FAM149A: variants seen among roughly 807,000 people sequenced by gnomAD.
The protein encoded by FAM149A is family with sequence similarity 149 member A, also known as protein FAM149A.
FAM149A carries 71 observed loss-of-function variants against 78.2 expected under a neutral mutation model. The ratio of observed to expected loss-of-function variants is 0.91; its 90% confidence interval spans 0.75 to 1.11. The LOEUF is 1.11. Among genes scored for constraint, FAM149A ranks in the 50% least tolerant of loss-of-function variants. The pLI is 0.00. For synonymous variants in FAM149A, 446 were observed against 410.5 expected (o/e 1.09, Z -1.04); for missense variants, 1,036 against 971.0 (o/e 1.07, Z -0.89).
At chr4:186,158,202 T>TC (rs1431300482) in intron 8 of FAM149A, 51 of 1,280,528 alleles carry the variant, frequency 4.0e-5, no homozygotes, top group Non-Finnish European at 5.2e-5. Flanking sequence ...GCTGGCCGCT[T>TC]CTCTCCTGGA....
At chr4:186,143,148 ACTTT>A (rs1732656107) in intron 1 of FAM149A, among the ~76,000 whole-genome samples, 5 of 66,082 alleles carry the variant, frequency 7.6e-5, no homozygotes, top group Admixed American at 1.7e-4. Flanking sequence ...TTCGATTTTT[ACTTT>A]TTTTTTTTTT....
At chr4:186,145,194 T>C in intron 1 of FAM149A, 1 of 965,420 alleles carries the variant, frequency 1.0e-6, no homozygotes, top group Non-Finnish European at 1.2e-6. Flanking sequence ...GCGGGCCGGC[T>C]GCGTCTGGCC....
intron 8 of FAM149A, chr4:186,158,849 C>T: frequency 1.0e-6 from 1 of 983,262 alleles, no homozygotes; most frequent in African/African-American, 1.7e-5. Context: ...CGGTCTCAAG[C>T]TGTTCTTCCA....
In FAM149A at chr4:186,168,517, G is replaced by A. The variant is rs151061159; in HGVS notation, c.2218+1255G>A. 5.1e-3 allele frequency among the ~76,000 whole-genome samples: 771 copies of A among 152,248 alleles called. 5 individuals are homozygous for A. Among genetic ancestry groups the A allele is most frequent in the African/African-American group, 0.018 (751 of 41,536 alleles). On this transcript the variant is annotated intron_variant, in intron 13 of 13. Transcript: ENST00000389354. ...ATTACAGGCACATGCCACGATGCCT[G>A]GCTAATGTTTGTATTTTTAGTGGAG... is the stretch of plus-strand genomic sequence containing the variant.
At chr4:186,126,183 A>AATG in intron 1 of FAM149A, 2 of 793,286 alleles carry the variant, frequency 2.5e-6, no homozygotes, top group Non-Finnish European at 3.1e-6. Flanking sequence ...TACCTCGAGT[A>AATG]AGCCTCGCGC....
chr4:186,162,926 G>A lies in FAM149A; in HGVS notation c.1657G>A (p.Ala553Thr). The A allele has an allele frequency of 3.7e-6, 6 of 1,606,428 alleles. No individual in the cohort carries two copies. Among genetic ancestry groups the A allele is most frequent in the Non-Finnish European group, 5.1e-6 (6 of 1,175,714 alleles). Residue 553 changes from alanine to threonine, a missense_variant, in exon 9 of 14, where the codon GCC becomes ACC. By Grantham distance (58) the Ala-to-Thr change is moderately conservative (BLOSUM62 0). Around this residue, in one of 3 missense-constraint regions of FAM149A, gnomAD observed 716 missense variants for 711.8 expected, o/e 1.01. Transcript: ENST00000389354. ...AGCAAAACCGCTTCAGCGGAGACCT[G>A]CCTATTTTGCTGACAGAACGCAGTA...
intron 11 of FAM149A, 106 bp downstream of exon 11, chr4:186,165,570 G>A (rs1485969602): frequency 8.8e-7 from 1 of 1,132,626 alleles, no homozygotes; most frequent in African/African-American, 1.5e-5. Context: ...CATGAGATCT[G>A]AGTAGCTGTA....
At chr4:186,152,300 A>G (rs993263591) in intron 4 of FAM149A, among the ~76,000 whole-genome samples, 1 of 152,206 alleles carries the variant, frequency 6.6e-6, no homozygotes, top group African/African-American at 2.4e-5. Context: ...TGACACATAT[A>G]CGAATGCAAG....
At chr4:186,161,369 G>T (rs564030887) in intron 8 of FAM149A, among the ~76,000 whole-genome samples, 175 of 152,326 alleles carry the variant, frequency 1.1e-3, no homozygotes, top group Non-Finnish European at 2.2e-3. Context: ...AACAGAACCT[G>T]TGCTTCGGGG....
At chr4:186,147,936 C>A (rs4862646) in intron 1 of FAM149A, among the ~76,000 whole-genome samples, 130,959 of 152,192 alleles carry the variant, frequency 0.86, 56,419 homozygotes, top group Middle Eastern at 0.9. Flanking sequence ...AGAATAAAAA[C>A]AATCATATAA....
chr4:186,163,544 G>A lies in FAM149A; in HGVS notation c.1800G>A (p.Val600=). 1.2e-6 allele frequency: 2 copies of A among 1,614,136 alleles called. No individual in the cohort carries two copies. Among genetic ancestry groups the A allele is most frequent in the Non-Finnish European group, 1.7e-6 (2 of 1,180,000 alleles). The change falls in exon 10 of 14, where the codon GTG becomes GTA. Residue 600 remains valine, a synonymous_variant. Coordinates refer to ENST00000389354, the MANE Select transcript of FAM149A (RefSeq NM_001367768.3). Reference sequence around the variant, plus strand: ...CACCTTCTGCAAAGAAAACACCAGTGCCCTGGAGGCTGCCTTCTCTTGCTT... The same window carrying A: ...CACCTTCTGCAAAGAAAACACCAGTACCCTGGAGGCTGCCTTCTCTTGCTT...
At chr4:186,160,746 ACAC>A (rs1356995323) in intron 8 of FAM149A, 2 of 956,316 alleles carry the variant, frequency 2.1e-6, no homozygotes, top group African/African-American at 3.9e-5. Flanking sequence ...CACACACACC[ACAC>A]CACACCACAC....
chr4:186,174,242 A>T lies in FAM149A; in HGVS notation c.*2255A>T. ...GATCCTCTCCCTCCTTCCACCCTCCACCCTTTGATAGGCCCTAGTGTGTGC... is the reference window on the plus strand; with the variant it reads ...GATCCTCTCCCTCCTTCCACCCTCCTCCCTTTGATAGGCCCTAGTGTGTGC... On this transcript the variant is annotated 3_prime_UTR_variant, in exon 14 of 14. Transcript: ENST00000389354. 9.3e-6 allele frequency among the ~76,000 whole-genome samples: 1 copy of T among 107,852 alleles called. No individual in the cohort carries two copies. The highest frequency in any genetic ancestry group is 2.3e-5 in the Non-Finnish European group (1 of 43,064). 70.8% of individuals were successfully genotyped at this position (107,852 alleles called of 152,430 possible). A position where few individuals can be genotyped will look rare whatever the true frequency, so the allele number is the denominator to read the frequency against.
chr4:186,132,972 G>T (rs1307091458), intron 1 of FAM149A: 3 of 985,216 alleles, frequency 3.0e-6, no homozygotes, highest in Non-Finnish European at 3.6e-6. Flanking sequence ...TTTTTTAAAA[G>T]AGACATTGAC....
chr4:186,154,087 A>G (rs1476431579), intron 5 of FAM149A, among the ~76,000 whole-genome samples: 2 of 152,160 alleles, frequency 1.3e-5, no homozygotes, highest in African/African-American at 4.8e-5. Context: ...CCTCACTGTG[A>G]TGGATTATAA....
At chr4:186,150,128 G>C (rs7699366) in intron 3 of FAM149A, among the ~76,000 whole-genome samples, 80,029 of 151,674 alleles carry the variant, frequency 0.53, 21,506 homozygotes, top group African/African-American at 0.63. Flanking sequence ...ACCCCCTACC[G>C]CTGGGGGCGC....
intron 8 of FAM149A, among the ~76,000 whole-genome samples, chr4:186,160,387 C>G (rs1440727211): frequency 2.1e-5 from 3 of 142,746 alleles, no homozygotes; most frequent in Admixed American, 7.0e-5. Context: ...ACACACACCA[C>G]TCACACACAC....
chr4:186,160,848 G>C (rs1464697816), intron 8 of FAM149A: 1 of 985,172 alleles, frequency 1.0e-6, no homozygotes, highest in Non-Finnish European at 1.2e-6. Context: ...AGTGAAACTT[G>C]CGTATATAGA....
At chr4:186,160,530 ACACAC>A (rs1734501714) in intron 8 of FAM149A, among the ~76,000 whole-genome samples, 1 of 147,610 alleles carries the variant, frequency 6.8e-6, no homozygotes, top group Non-Finnish European at 1.5e-5. Context: ...CACACACACT[ACACAC>A]CACACGCACA....
Sources: allele counts gnomAD v4.1 joint callset (sites outside exome capture counted in the v4.1 genomes callset), GRCh38; gene constraint gnomAD v4.1.1; regional missense constraint gnomAD v4.1.1; transcripts MANE v1.5; gene names NCBI Gene and HGNC (gene_info 2026-07-23, HGNC 2026-07-21).